Variants in GRIK1 observed in about 807,000 individuals in gnomAD.
GRIK1 encodes glutamate receptor ionotropic, kainate 1.
Under a neutral mutation model 105.7 loss-of-function variants are expected in GRIK1, and 69 were observed. The ratio of observed to expected loss-of-function variants is 0.65; its 90% CI spans 0.54 to 0.80. The LOEUF (loss-of-function observed/expected upper bound fraction) is 0.80. Ranked by LOEUF, GRIK1 falls within the 30% of genes least tolerant of loss-of-function variation. GRIK1 has a pLI of 0.00. For missense variants in GRIK1, 1,109 were observed against 1,167.3 expected (o/e 0.95, Z 0.73); for synonymous variants, 438 against 431.3 (o/e 1.02, Z -0.19).
At chr21:29,850,112 A>C (rs1462812848) in intron 1 of GRIK1, among the ~76,000 whole-genome samples, 1 of 152,186 alleles carries the variant, frequency 6.6e-6, no homozygotes, top group Non-Finnish European at 1.5e-5. Context: ...GCTGACTTTC[A>C]GAAGGATCAT....
rs59490888 is a variant in GRIK1 at position 29,575,270 on chromosome 21, A to G, written c.2130+1694T>C. Among the ~76,000 whole-genome samples the G allele has an allele frequency of 7.0e-3, 1,068 of 152,168 alleles. 10 individuals carry two copies. The highest frequency in any genetic ancestry group is 0.02 in the African/African-American group (846 of 41,522). On this transcript the variant is annotated intron_variant, in intron 14 of 17. Transcript: ENST00000327783. ...TTGTTTCTAAGCTGGTATTTTTCAC[A>G]AGTCAAACAGTCCACTCAAAAAATA...
At chr21:29,644,479 A>G (rs1414526896) in intron 6 of GRIK1, among the ~76,000 whole-genome samples, 2 of 152,224 alleles carry the variant, frequency 1.3e-5, no homozygotes, top group Non-Finnish European at 2.9e-5. Flanking sequence ...TAGAATTGCA[A>G]GGTTTTAAGA....
intron 1 of GRIK1, among the ~76,000 whole-genome samples, chr21:29,767,113 C>G (rs9983673): frequency 6.6e-6 from 1 of 151,902 alleles, no homozygotes. Flanking sequence ...ATACTTCATC[C>G]GAAGGAGGGG....
chr21:29,694,043 C>A lies in GRIK1; in HGVS notation c.139G>T (p.Glu47Ter), dbSNP rs940306340. ...LRIGGIFETV[E>*]NEPVNVEELA... ...TCTTCAACATTAACAGGCTCATTTTCCACTGTTTCAAAAATCCCTCCTGCA... is the reference window on the plus strand; with the variant it reads ...TCTTCAACATTAACAGGCTCATTTTACACTGTTTCAAAAATCCCTCCTGCA... The change falls in exon 2 of 18, where the codon GAA (glutamate) becomes TAA (stop). Residue 47 changes from glutamate (E) to a stop codon, truncating the protein, a stop_gained. Transcript: ENST00000327783. LOFTEE classifies it high-confidence loss of function. The A allele has an allele frequency of 1.9e-5, 30 of 1,612,908 alleles. No homozygotes were observed. The highest frequency in any genetic ancestry group is 2.5e-5 in the Non-Finnish European group (29 of 1,179,196).
At chr21:29,656,419 ATTTCCAAGGTAGT>A (rs1055486956) in intron 4 of GRIK1, among the ~76,000 whole-genome samples, 4 of 149,578 alleles carry the variant, frequency 2.7e-5, no homozygotes, top group Non-Finnish European at 4.4e-5. Flanking sequence ...TAGAAATCAC[ATTTCCAAGGTAGT>A]TTTCCGCACA....
intron 1 of GRIK1, among the ~76,000 whole-genome samples, chr21:29,912,808 G>A (rs1266816195): frequency 6.6e-6 from 1 of 151,988 alleles, no homozygotes; most frequent in Non-Finnish European, 1.5e-5. Context: ...CTTAGAGAGG[G>A]TATGTGAAGA....
At chr21:29,739,483 G>T (rs553114543) in intron 1 of GRIK1, among the ~76,000 whole-genome samples, 20 of 152,286 alleles carry the variant, frequency 1.3e-4, no homozygotes, top group Admixed American at 3.3e-4. Flanking sequence ...AAATCCAAAA[G>T]GCAGTGTAGA....
chr21:29,855,171 C>T (rs2068426781), intron 1 of GRIK1, among the ~76,000 whole-genome samples: 1 of 152,142 alleles, frequency 6.6e-6, no homozygotes, highest in Admixed American at 6.5e-5. Context: ...AGATATCACT[C>T]ATTGTCCTTA....
chr21:29,598,935 G>A lies in GRIK1; in HGVS notation c.1101C>T (p.Ala367=). 1 of 1,491,232 alleles carries A rather than the reference G, an allele frequency of 6.7e-7. No individual in the cohort carries two copies. The highest frequency in any genetic ancestry group is 9.2e-7 in the Non-Finnish European group (1 of 1,085,528). The allele number at this position is 1,491,232 out of a possible 1,614,324, so 92.4% of individuals were successfully genotyped here. A position where few individuals can be genotyped will look rare whatever the true frequency, so the allele number is the denominator to read the frequency against. The stretch of plus-strand genomic sequence containing the variant: ...TATGCCCAGTCAAGCCATCCCACCG[G>A]GCCTGTGGACAAGAAGAAATGTGGC... ...GPRFMNLIKE[A]RWDGLTGHIT... is the part of the protein sequence containing the mutation. The change falls in exon 8 of 18, where the codon GCC becomes GCT. Residue 367 remains alanine (A), a splice_region_variant and synonymous_variant. Transcript: ENST00000327783.
intron 3 of GRIK1, among the ~76,000 whole-genome samples, chr21:29,674,475 T>G (rs73352551): frequency 0.038 from 5,802 of 152,170 alleles, 361 homozygotes; most frequent in African/African-American, 0.13. Flanking sequence ...CATTATCTGA[T>G]ATGGCTTGGC....
chr21:29,555,873 G>T (rs1259859018), intron 15 of GRIK1, among the ~76,000 whole-genome samples: 2 of 152,158 alleles, frequency 1.3e-5, no homozygotes, highest in Non-Finnish European at 2.9e-5. Context: ...ACTGCTACAA[G>T]GCTTTTCTTT....
intron 1 of GRIK1, among the ~76,000 whole-genome samples, chr21:29,775,590 A>G (rs1172100966): frequency 6.6e-6 from 1 of 152,150 alleles, no homozygotes; most frequent in Non-Finnish European, 1.5e-5. Flanking sequence ...CTTCCAAACC[A>G]GAAAGGAAAA....
intron 1 of GRIK1, among the ~76,000 whole-genome samples, chr21:29,712,116 A>ACACACACACACACAC (rs1218489339): frequency 1.3e-5 from 2 of 151,628 alleles, no homozygotes; most frequent in African/African-American, 2.4e-5. Context: ...ACACACACAC[A>ACACACACACACACAC]CACACACATA....
chr21:29,816,332 T>C (rs2067153761), intron 1 of GRIK1, among the ~76,000 whole-genome samples: 1 of 152,120 alleles, frequency 6.6e-6, no homozygotes, highest in Admixed American at 6.6e-5. Flanking sequence ...AGGGGAATTT[T>C]TATACACTGT....
intron 1 of GRIK1, among the ~76,000 whole-genome samples, chr21:29,802,831 C>T (rs2066750120): frequency 6.6e-6 from 1 of 152,166 alleles, no homozygotes; most frequent in Admixed American, 6.5e-5. Flanking sequence ...AAAATTACAA[C>T]TTAGAATTTG....
intron 7 of GRIK1, among the ~76,000 whole-genome samples, chr21:29,627,068 G>T (rs777738361): frequency 9.2e-5 from 14 of 152,160 alleles, no homozygotes; most frequent in Non-Finnish European, 1.8e-4. Context: ...CTGGGTTCCT[G>T]TAGAGGACTA....
intron 7 of GRIK1, chr21:29,601,107 A>G (rs780758639): frequency 7.5e-5 from 25 of 331,302 alleles, no homozygotes; most frequent in Non-Finnish European, 1.1e-4. Context: ...TAGCATTTGA[A>G]ATGGTGGACT....
chr21:29,782,234 C>A (rs1327781539), intron 1 of GRIK1, among the ~76,000 whole-genome samples: 3 of 151,618 alleles, frequency 2.0e-5, no homozygotes, highest in Admixed American at 6.6e-5. Flanking sequence ...CTGCAGGCGC[C>A]CGCCACCAAG....
At chr21:29,683,533 C>G (rs1756046497) in intron 3 of GRIK1, among the ~76,000 whole-genome samples, 2 of 152,116 alleles carry the variant, frequency 1.3e-5, no homozygotes, top group South Asian at 4.1e-4. Flanking sequence ...AACAGAAAAC[C>G]AAATACCCAT....
Sources: gnomAD v4.1 joint callset for allele counts (sites outside exome capture counted in the v4.1 genomes callset) on GRCh38, gnomAD v4.1.1 for gene constraint, MANE v1.5 for transcripts, NCBI Gene and HGNC (gene_info 2026-07-23, HGNC 2026-07-21) for gene names.